Variants in TGFBR3 observed in about 807,000 individuals in gnomAD.
The protein encoded by TGFBR3 is transforming growth factor beta receptor type 3.
TGFBR3 carries 46 observed loss-of-function variants against 87.9 expected under a neutral mutation model. The ratio of observed to expected loss-of-function variants is 0.52; its 90% confidence interval spans 0.41 to 0.67. The LOEUF is 0.67. TGFBR3 is among the 30% of genes least tolerant of loss of function. TGFBR3 has a pLI of 0.00. For missense variants in TGFBR3, 866 were observed against 1,041.9 expected (o/e 0.83, Z 2.32); for synonymous variants, 381 against 391.6 (o/e 0.97, Z 0.32).
intron 1 of TGFBR3, among the ~76,000 whole-genome samples, chr1:91,865,922 A>G (rs1159787821): frequency 6.6e-6 from 1 of 152,002 alleles, no homozygotes; most frequent in East Asian, 1.9e-4. Context: ...CCAAAAAAAA[A>G]AAAAAAAAGA....
At chr1:91,835,294 CTGTCACCATTCAGA>C (rs1229447400) in intron 2 of TGFBR3, among the ~76,000 whole-genome samples, 2 of 152,218 alleles carry the variant, frequency 1.3e-5, no homozygotes, top group Admixed American at 1.3e-4. Flanking sequence ...ATTTGCTTCA[CTGTCACCATTCAGA>C]TGGGTTATTT....
intron 4 of TGFBR3, among the ~76,000 whole-genome samples, chr1:91,754,732 C>T (rs764356525): frequency 1.4e-4 from 21 of 152,114 alleles, no homozygotes; most frequent in Non-Finnish European, 3.1e-4. Context: ...AGGGTGGCTG[C>T]GATGTCCTGG....
Position 91,812,368 on chromosome 1 carries a change from T to C in TGFBR3, c.62-14897A>G, listed in dbSNP as rs147372542. 2.9e-3 allele frequency among the ~76,000 whole-genome samples: 440 copies of C among 152,302 alleles called. 3 individuals are homozygous for C. The highest frequency in any genetic ancestry group is 9.9e-3 in the African/African-American group (413 of 41,558). On this transcript the variant is annotated intron_variant, in intron 2 of 16. Transcript: ENST00000212355. The stretch of plus-strand genomic sequence containing the variant: ...TAAGCAAATTATCCAAATAACTAAG[T>C]CTTTTCTTGTTTCAAAAAAGTAAGT...
At chr1:91,852,650 T>C (rs540274719) in intron 2 of TGFBR3, among the ~76,000 whole-genome samples, 10 of 152,138 alleles carry the variant, frequency 6.6e-5, no homozygotes, top group African/African-American at 2.4e-4. Context: ...CACCGCAACC[T>C]CCGCCTCCCA....
At position 91,865,521 on chromosome 1, in the gene TGFBR3, AT is replaced by A. The variant is rs535059560; in HGVS notation, c.-113-3878del. On this transcript the variant is annotated intron_variant, in intron 1 of 16. Transcript: ENST00000212355. ...GAAAGAGCAATTTGGAATAATAGTC[AT>A]TTTCCCCACATTTCAAAGCAACATG... Among the ~76,000 whole-genome samples, 385 of 152,300 alleles carry A rather than the reference AT, an allele frequency of 2.5e-3. 2 individuals are homozygous for A. Among genetic ancestry groups the A allele is most frequent in the African/African-American group, 8.7e-3 (361 of 41,548 alleles).
intron 16 of TGFBR3, among the ~76,000 whole-genome samples, chr1:91,684,824 A>G (rs1295509369): frequency 1.3e-5 from 2 of 152,242 alleles, no homozygotes; most frequent in Non-Finnish European, 2.9e-5. Flanking sequence ...AAGTCAGAGC[A>G]TAAACTTCAT....
At chr1:91,812,138 T>A (rs1676053374) in intron 2 of TGFBR3, among the ~76,000 whole-genome samples, 1 of 152,090 alleles carries the variant, frequency 6.6e-6, no homozygotes, top group Non-Finnish European at 1.5e-5. Flanking sequence ...GCATGCCATT[T>A]CCTCCAACAA....
intron 1 of TGFBR3, chr1:91,863,806 T>A (rs1364000377): frequency 6.6e-6 from 1 of 152,230 alleles, no homozygotes; most frequent in African/African-American, 2.4e-5. Context: ...AGAGATAATT[T>A]GGGAGCCATT....
At chr1:91,763,725 C>A (rs1028822364) in intron 3 of TGFBR3, among the ~76,000 whole-genome samples, 3 of 152,200 alleles carry the variant, frequency 2.0e-5, no homozygotes, top group Admixed American at 6.5e-5. Flanking sequence ...TAGGGTCCCA[C>A]TGAACTCAAA....
rs1225832428 is a variant in TGFBR3, at chr1:91,753,099, G to C, written c.384+5514C>G. ...GTAAAAAGATACATTTAAAAACCTA[G>C]TCCCTGCCCAGCACTGTGGCTCGCG... On this transcript the variant is annotated intron_variant, in intron 4 of 16. Transcript: ENST00000212355. Among the ~76,000 whole-genome samples, 3 of 151,558 alleles carry C rather than the reference G, an allele frequency of 2.0e-5. No homozygotes were observed. In the East Asian group the frequency reaches 5.9e-4, roughly 30 times the overall value.
chr1:91,889,870 A>G (rs1416656286), upstream of TGFBR3, among the ~76,000 whole-genome samples: 1 of 151,694 alleles, frequency 6.6e-6, no homozygotes, highest in Non-Finnish European at 1.5e-5. Flanking sequence ...CAGTAGAGAC[A>G]GGGTTTTGCC....
chr1:91,698,168 G>A lies in TGFBR3; in HGVS notation c.2288-38C>T, dbSNP rs1242170589. The A allele has an allele frequency of 8.2e-6, 13 of 1,584,726 alleles. No homozygotes were observed. In the South Asian group the frequency reaches 1.4e-4, roughly 18 times the overall value. ...CATAAATCACAATGTATTCTATGGA[G>A]AACCAAGATTTAAGCAAAGGGTCAT... On this transcript the variant is annotated intron_variant, in intron 14 of 16. Transcript: ENST00000212355.
intron 7 of TGFBR3, among the ~76,000 whole-genome samples, chr1:91,723,480 TAAAAAAAAAAAAAAA>T (rs58578681): frequency 0.13 from 14,420 of 109,502 alleles, 1,344 homozygotes; most frequent in East Asian, 0.54. Flanking sequence ...GACCCTGCCT[TAAAAAAAAAAAAAAA>T]AAAAAAAAAA....
chr1:91,878,369 AT>A (rs1300432505), intron 1 of TGFBR3, among the ~76,000 whole-genome samples: 1 of 152,150 alleles, frequency 6.6e-6, no homozygotes, highest in African/African-American at 2.4e-5. Context: ...TCTCCAGAGT[AT>A]TTTTGCATCC....
intron 1 of TGFBR3, among the ~76,000 whole-genome samples, chr1:91,879,121 T>G (rs1013481728): frequency 6.6e-5 from 10 of 151,700 alleles, no homozygotes; most frequent in Non-Finnish European, 1.3e-4. Context: ...ATACAAAAAT[T>G]AGCCAGATGT....
chr1:91,782,864 G>A (rs1231340483), intron 3 of TGFBR3, among the ~76,000 whole-genome samples: 1 of 152,162 alleles, frequency 6.6e-6, no homozygotes, highest in Non-Finnish European at 1.5e-5. Context: ...CTGGGAGGGG[G>A]ACTCACCTTT....
intron 3 of TGFBR3, among the ~76,000 whole-genome samples, chr1:91,784,431 G>A (rs542323044): frequency 1.6e-4 from 25 of 152,264 alleles, no homozygotes; most frequent in African/African-American, 5.8e-4. Flanking sequence ...GTTCCTGCCC[G>A]AAAGCAGTCC....
chr1:91,688,631 C>T (rs1671173388), intron 16 of TGFBR3, among the ~76,000 whole-genome samples: 1 of 152,174 alleles, frequency 6.6e-6, no homozygotes, highest in African/African-American at 2.4e-5. Context: ...AACACTGTTT[C>T]ACAGAGCATA....
At chr1:91,856,226 C>T (rs1215034118) in intron 2 of TGFBR3, among the ~76,000 whole-genome samples, 4 of 152,172 alleles carry the variant, frequency 2.6e-5, no homozygotes, top group African/African-American at 9.6e-5. Flanking sequence ...CCGCGCGTGG[C>T]TAATTTTGTT....
Sources: gnomAD v4.1 joint callset for allele counts (sites outside exome capture counted in the v4.1 genomes callset) on GRCh38, gnomAD v4.1.1 for gene constraint, MANE v1.5 for transcripts, NCBI Gene and HGNC (gene_info 2026-07-23, HGNC 2026-07-21) for gene names.